Variants in ENOX1 observed in about 807,000 individuals in gnomAD.
ENOX1 encodes candidate growth-related and time keeping constitutive hydroquinone (NADH) oxidase.
ENOX1 carries 42 observed loss-of-function variants against 82.5 expected under a neutral mutation model. The ratio of observed to expected loss-of-function variants is 0.51; its 90% CI spans 0.40 to 0.66. ENOX1 has a LOEUF of 0.66. ENOX1 is among the 30% of genes least tolerant of loss of function. The pLI is 0.00. For missense variants in ENOX1, 608 were observed against 811.6 expected (o/e 0.75, Z 3.05); for synonymous variants, 271 against 282.2 (o/e 0.96, Z 0.40).
At chr13:43,664,933 A>G (rs961769457) in intron 2 of ENOX1, among the ~76,000 whole-genome samples, 55 of 152,326 alleles carry the variant, frequency 3.6e-4, no homozygotes, top group African/African-American at 1.3e-3. Flanking sequence ...CTGCTGTCTA[A>G]GCCAATGCTA....
intron 1 of ENOX1, among the ~76,000 whole-genome samples, chr13:43,724,499 T>C (rs1179842827): frequency 1.3e-5 from 2 of 152,246 alleles, no homozygotes; most frequent in Admixed American, 6.5e-5. Flanking sequence ...TCTTACCACA[T>C]TGATAAAATA....
chr13:43,417,038 G>A (rs2054637228), intron 3 of ENOX1, among the ~76,000 whole-genome samples: 1 of 152,190 alleles, frequency 6.6e-6, no homozygotes, highest in African/African-American at 2.4e-5. Flanking sequence ...GTGAAACCCT[G>A]TCTCCACCAA....
rs147923254 is a variant in ENOX1 at position 43,575,884 on chromosome 13, G to A, written c.-219+91595C>T. 1.8e-4 allele frequency among the ~76,000 whole-genome samples: 28 copies of A among 152,282 alleles called. No individual in the cohort carries two copies. In the East Asian group the frequency reaches 4.8e-3, roughly 26 times the overall value. On this transcript the variant is annotated intron_variant, in intron 2 of 16. Coordinates refer to ENST00000690772, the MANE Select transcript of ENOX1 (RefSeq NM_001347969.2). ...TGTTCACTTTGATTGTATTTTGGAG[G>A]TAAATGCCTGGGCAAAGAATATAAG...
chr13:43,532,541 G>A (rs1286069307), intron 2 of ENOX1, among the ~76,000 whole-genome samples: 1 of 152,110 alleles, frequency 6.6e-6, no homozygotes, highest in Admixed American at 6.6e-5. Context: ...AGATTCAAAA[G>A]AAACAAGGCA....
chr13:43,710,974 G>A (rs1472664245), intron 1 of ENOX1, among the ~76,000 whole-genome samples: 2 of 151,588 alleles, frequency 1.3e-5, no homozygotes, highest in Non-Finnish European at 2.9e-5. Flanking sequence ...GTGCAGGTTT[G>A]TTACATATGT....
intron 1 of ENOX1, among the ~76,000 whole-genome samples, chr13:43,671,689 G>C (rs1159300170): frequency 6.6e-6 from 1 of 152,162 alleles, no homozygotes; most frequent in Non-Finnish European, 1.5e-5. Context: ...CTGCTCTACA[G>C]ATCAGGAAAG....
intron 2 of ENOX1, among the ~76,000 whole-genome samples, chr13:43,618,510 TTA>T (rs755760424): frequency 3.8e-4 from 58 of 152,126 alleles, no homozygotes; most frequent in Non-Finnish European, 4.9e-4. Context: ...TTTCCCCACT[TTA>T]TGTTTTTGTT....
chr13:43,770,943 C>T (rs1178574335), intron 1 of ENOX1, among the ~76,000 whole-genome samples: 1 of 151,942 alleles, frequency 6.6e-6, no homozygotes, highest in Admixed American at 6.6e-5. Context: ...CCTCTCCAAA[C>T]TTGTGTTCCA....
chr13:43,719,940 A>T (rs2088451501), intron 1 of ENOX1, among the ~76,000 whole-genome samples: 2 of 152,180 alleles, frequency 1.3e-5, no homozygotes, highest in Non-Finnish European at 2.9e-5. Context: ...GAATTCTCAC[A>T]TGTAAAGAAA....
At chr13:43,617,537 G>A (rs1293680557) in intron 2 of ENOX1, among the ~76,000 whole-genome samples, 1 of 152,190 alleles carries the variant, frequency 6.6e-6, no homozygotes, top group Non-Finnish European at 1.5e-5. Context: ...CACACAGCTT[G>A]ATGAGTTGCT....
intron 9 of ENOX1, among the ~76,000 whole-genome samples, chr13:43,340,793 T>C (rs1301542062): frequency 6.6e-6 from 1 of 152,190 alleles, no homozygotes. Flanking sequence ...TGTTTCAGGG[T>C]TCCCTCCTGC....
At chr13:43,572,934 C>T (rs1237385002) in intron 2 of ENOX1, among the ~76,000 whole-genome samples, 1 of 152,204 alleles carries the variant, frequency 6.6e-6, no homozygotes, top group Non-Finnish European at 1.5e-5. Context: ...TCTCCTCATA[C>T]ATATCATTGA....
intron 2 of ENOX1, among the ~76,000 whole-genome samples, chr13:43,518,007 A>G (rs750743037): frequency 6.6e-6 from 1 of 152,122 alleles, no homozygotes; most frequent in Non-Finnish European, 1.5e-5. Context: ...ACAGACTAAG[A>G]TGTCTGCTCT....
intron 5 of ENOX1, among the ~76,000 whole-genome samples, chr13:43,397,033 C>T (rs1208428195): frequency 6.6e-6 from 1 of 152,206 alleles, no homozygotes; most frequent in African/African-American, 2.4e-5. Flanking sequence ...TTTTCCTGCA[C>T]TTTCATGCCC....
At position 43,347,915 on chromosome 13, in the gene ENOX1, G is replaced by T. The variant is rs1319320756; in HGVS notation, c.824-3165C>A. The stretch of plus-strand genomic sequence containing the variant: ...ATGATGGAGTGAATATAAATCATTT[G>T]CTCATTAGAAATTACCCACCGTTTT... On this transcript the variant is annotated intron_variant, in intron 8 of 16. Transcript: ENST00000690772. 2.0e-5 allele frequency among the ~76,000 whole-genome samples: 3 copies of T among 152,272 alleles called. No individual in the cohort carries two copies. In the East Asian group the frequency reaches 5.8e-4, roughly 29 times the overall value.
chr13:43,579,788 A>G (rs2080621212), intron 2 of ENOX1, among the ~76,000 whole-genome samples: 1 of 152,222 alleles, frequency 6.6e-6, no homozygotes, highest in African/African-American at 2.4e-5. Flanking sequence ...AAACAAAACA[A>G]AAACACTACA....
At chr13:43,370,598 C>G (rs2051171140) in intron 5 of ENOX1, among the ~76,000 whole-genome samples, 2 of 152,162 alleles carry the variant, frequency 1.3e-5, no homozygotes, top group African/African-American at 4.8e-5. Flanking sequence ...CCACAGCAAA[C>G]TGCTTACAGG....
At chr13:43,504,205 A>G (rs1182885636) in intron 2 of ENOX1, among the ~76,000 whole-genome samples, 1 of 151,772 alleles carries the variant, frequency 6.6e-6, no homozygotes, top group East Asian at 1.9e-4. Context: ...AGAAAAAGGA[A>G]CCTTTATAAG....
intron 11 of ENOX1, among the ~76,000 whole-genome samples, chr13:43,316,621 G>C (rs1223127315): frequency 4.2e-5 from 2 of 47,346 alleles, no homozygotes; most frequent in East Asian, 1.5e-3. Context: ...AAAAGGTGAA[G>C]CAATTTACAA....
Sources: gnomAD v4.1 joint callset for allele counts (sites outside exome capture counted in the v4.1 genomes callset) on GRCh38, gnomAD v4.1.1 for gene constraint, MANE v1.5 for transcripts, NCBI Gene and HGNC (gene_info 2026-07-23, HGNC 2026-07-21) for gene names.